The following GREB1L variants were observed in gnomAD, a reference collection of about 807,000 sequenced individuals.
GREB1L encodes the protein GREB1 like retinoic acid receptor coactivator, also known as GREB1-like protein.
Under a neutral mutation model 200.8 loss-of-function variants are expected in GREB1L, and 17 were observed. That is an observed-to-expected ratio of 0.08 (90% confidence interval 0.06 to 0.13). The LOEUF (loss-of-function observed/expected upper bound fraction) is 0.13, where lower values mean the gene tolerates loss of function less well. GREB1L is among the 10% of genes least tolerant of loss of function. The pLI is 1.00. For synonymous variants in GREB1L, 789 were observed against 893.0 expected, an observed-to-expected ratio of 0.88 and a Z score of 2.08; for missense variants, 1,657 against 2,367.7, an observed-to-expected ratio of 0.70 and a Z score of 6.23.
At chr18:21,334,797 A>T (rs2039160708) in intron 1 of GREB1L, among the ~76,000 whole-genome samples, 1 of 152,006 alleles carries the variant, frequency 6.6e-6, no homozygotes, top group Admixed American at 6.6e-5. Context: ...TTGCCCCATT[A>T]TTATCCTTTT....
intron 7 of GREB1L, among the ~76,000 whole-genome samples, chr18:21,416,475 G>A (rs929256567): frequency 1.1e-4 from 16 of 152,074 alleles, no homozygotes; most frequent in African/African-American, 3.9e-4. Flanking sequence ...CGCGGATCAC[G>A]AGGTCAGGAG....
At chr18:21,401,458 A>G (rs1202782785) in intron 6 of GREB1L, 132 bp downstream of exon 6, 3 of 710,156 alleles carry the variant, frequency 4.2e-6, no homozygotes, top group Non-Finnish European at 4.4e-6. Context: ...CCCAAAATTT[A>G]AAGCCTTCTG....
rs574745472 is a variant in GREB1L, at chr18:21,330,192, G to A, written c.-119-35835G>A. Among the ~76,000 whole-genome samples, 4 of 152,322 alleles carry A rather than the reference G, an allele frequency of 2.6e-5. No individual in the cohort carries two copies. In the East Asian group the frequency reaches 7.7e-4, roughly 29 times the overall value. On this transcript the variant is annotated intron_variant, in intron 1 of 32. Coordinates refer to ENST00000424526, the MANE Select transcript of GREB1L (RefSeq NM_001142966.3). ...GAGTAGGGCCAGGCAGTGGCAGTCT[G>A]TCCTAACCATGCCAAGGGCAGCACC...
At chr18:21,248,871 AT>A (rs2037650656) in intron 1 of GREB1L, among the ~76,000 whole-genome samples, 1 of 152,206 alleles carries the variant, frequency 6.6e-6, no homozygotes, top group Non-Finnish European at 1.5e-5. Context: ...GACTGTGTAG[AT>A]ATAGAACATT....
At position 21,522,770 on chromosome 18, in the gene GREB1L, T is replaced by G; in HGVS notation, c.5721T>G (p.Ala1907=). ...GCCTCCGGGACGAGTTTCAAACTGC[T>G]AACAGCAGTGATGACAAGCCTCTCT... ...QFRLRDEFQT[A]NSSDDKPLYF... is the part of the protein sequence containing the mutation. The change falls in exon 33 of 33, where the codon GCT becomes GCG. Residue 1907 remains alanine (A), a synonymous_variant. Transcript: ENST00000424526. The G allele has an allele frequency of 6.4e-7, 1 of 1,551,702 alleles. No individual in the cohort carries two copies. The highest frequency in any genetic ancestry group is 8.7e-7 in the Non-Finnish European group (1 of 1,146,978).
At chr18:21,454,664 CCTT>C (rs757623597) in intron 15 of GREB1L, 101 bp downstream of exon 15, 22 of 878,010 alleles carry the variant, frequency 2.5e-5, no homozygotes, top group African/African-American at 1.8e-4. Flanking sequence ...ATGCTTAAAA[CCTT>C]CTTCAGTAAT....
intron 1 of GREB1L, among the ~76,000 whole-genome samples, chr18:21,243,747 A>T (rs1460181009): frequency 6.6e-6 from 1 of 152,222 alleles, no homozygotes; most frequent in Non-Finnish European, 1.5e-5. Context: ...TATTTAAAAG[A>T]GAAAAAATTA....
intron 17 of GREB1L, among the ~76,000 whole-genome samples, chr18:21,482,280 C>T (rs986714352): frequency 7.9e-5 from 12 of 152,286 alleles, no homozygotes; most frequent in South Asian, 2.1e-4. Flanking sequence ...TTTTTTGAGA[C>T]GGAGTCTCAC....
chr18:21,437,021 G>A (rs539849790), intron 7 of GREB1L, among the ~76,000 whole-genome samples: 1 of 152,256 alleles, frequency 6.6e-6, no homozygotes, highest in South Asian at 2.1e-4. Context: ...AAGTTTAGTG[G>A]TAGAAGAAAT....
At chr18:21,282,876 G>A (rs1244310430) in intron 1 of GREB1L, among the ~76,000 whole-genome samples, 1 of 152,192 alleles carries the variant, frequency 6.6e-6, no homozygotes, top group African/African-American at 2.4e-5. Context: ...GGGATTACAG[G>A]CGTGAGCCAC....
At chr18:21,360,202 G>A (rs1459856997) in intron 1 of GREB1L, among the ~76,000 whole-genome samples, 4 of 151,960 alleles carry the variant, frequency 2.6e-5, no homozygotes, top group Non-Finnish European at 4.4e-5. Context: ...TAAAACAAAG[G>A]GTTTTTGTTT....
intron 15 of GREB1L, among the ~76,000 whole-genome samples, chr18:21,464,947 G>T (rs2035208631): frequency 2.0e-5 from 3 of 152,142 alleles, no homozygotes; most frequent in Admixed American, 2.0e-4. Flanking sequence ...AGAATAAAGA[G>T]ACATGACAAC....
intron 1 of GREB1L, among the ~76,000 whole-genome samples, chr18:21,352,170 A>G (rs191099459): frequency 1.2e-4 from 19 of 152,276 alleles, no homozygotes; most frequent in African/African-American, 4.3e-4. Flanking sequence ...AAATAAATTT[A>G]TCAAATTCAT....
chr18:21,379,571 A>G (rs73960405), intron 2 of GREB1L, among the ~76,000 whole-genome samples: 1,822 of 152,308 alleles, frequency 0.012, 39 homozygotes, highest in African/African-American at 0.042. Flanking sequence ...AAGAGGCAGC[A>G]ATATTTCCAG....
chr18:21,436,717 T>TGTG (rs1568009671), intron 7 of GREB1L, among the ~76,000 whole-genome samples: 156 of 147,838 alleles, frequency 1.1e-3, no homozygotes, highest in African/African-American at 3.5e-3. Flanking sequence ...TGTGTGTGTG[T>TGTG]TTTCTTTTTC....
At chr18:21,485,259 T>A (rs1208318869) in intron 17 of GREB1L, 1 of 164,368 alleles carries the variant, frequency 6.1e-6, no homozygotes, top group Non-Finnish European at 1.3e-5. Context: ...TAGAGCGTTC[T>A]GAGGAAAGCC....
At chr18:21,441,694 G>A (rs1174646565) in intron 10 of GREB1L, among the ~76,000 whole-genome samples, 157 bp downstream of exon 10, 3 of 152,178 alleles carry the variant, frequency 2.0e-5, no homozygotes, top group African/African-American at 4.8e-5. Flanking sequence ...TTAAACATGT[G>A]ATTAGGAGCT....
At chr18:21,439,094 G>T (rs1489274560) in intron 7 of GREB1L, among the ~76,000 whole-genome samples, 3 of 152,074 alleles carry the variant, frequency 2.0e-5, no homozygotes, top group African/African-American at 7.2e-5. Context: ...GGGGACGGAG[G>T]TAAGGGTATA....
At chr18:21,506,742 G>A (rs191510945) in intron 25 of GREB1L, among the ~76,000 whole-genome samples, 35 of 152,312 alleles carry the variant, frequency 2.3e-4, no homozygotes, top group Non-Finnish European at 4.1e-4. Context: ...GGCTTGGCCA[G>A]TGGAGTCAGT....
Sources: allele counts gnomAD v4.1 joint callset (sites outside exome capture counted in the v4.1 genomes callset), GRCh38; gene constraint gnomAD v4.1.1; transcripts MANE v1.5; gene names NCBI Gene and HGNC (gene_info 2026-07-23, HGNC 2026-07-21).